TRAF7: variants seen among roughly 807,000 people sequenced by gnomAD.
TRAF7 encodes TNF receptor associated factor 7.
In TRAF7, 45 loss-of-function variants were observed where a neutral mutation model predicts 89.3. The observed-to-expected ratio is 0.50, with a 90% CI of 0.40 to 0.65. The LOEUF is 0.65. Among genes scored for constraint, TRAF7 ranks in the 30% least tolerant of loss-of-function variants. The pLI is 0.00. For missense variants in TRAF7, 677 were observed against 918.1 expected (o/e 0.74, Z 3.39); for synonymous variants, 406 against 369.2 (o/e 1.10, Z -1.14).
At position 2,168,441 on chromosome 16, in the gene TRAF7, A is replaced by G. The variant is rs1421492283; in HGVS notation, c.231+273A>G. 5 of 416,020 alleles carry G rather than the reference A, an allele frequency of 1.2e-5. No individual in the cohort carries two copies. In the East Asian group the frequency reaches 2.3e-4, roughly 19 times the overall value. The allele number at this position is 416,020 out of a possible 1,614,324, so 25.8% of individuals were successfully genotyped here. ...GCCAGGATGAGGCATATTTGGCTCCATCTTAAGGGAGGTGGAAACCACAGA... is the reference window on the plus strand; with the variant it reads ...GCCAGGATGAGGCATATTTGGCTCCGTCTTAAGGGAGGTGGAAACCACAGA... On this transcript the variant is annotated intron_variant, in intron 4 of 20. Transcript: ENST00000326181. This position sits in a 1 kb window ranked among gnomAD's most constrained non-coding sequence, Gnocchi z 4.1.
chr16:2,167,831 G>A (rs2093092550), intron 3 of TRAF7, among the ~76,000 whole-genome samples: 1 of 152,088 alleles, frequency 6.6e-6, no homozygotes. Flanking sequence ...AGGGGCTACC[G>A]GGCTCAGCGC....
intron 1 of TRAF7, among the ~76,000 whole-genome samples, chr16:2,156,528 G>C (rs1272780713): frequency 1.3e-5 from 2 of 152,110 alleles, no homozygotes; most frequent in African/African-American, 4.8e-5. Flanking sequence ...AGTACTGGCC[G>C]GGGGTAGGGG....
At position 2,163,995 on chromosome 16, in the gene TRAF7, C is replaced by T. The variant is rs199615844; in HGVS notation, c.75C>T (p.Thr25=). The part of the protein sequence containing the change: ...GPSNLPTPDV[T]TGTRMETTFG... ...GCAATCTTCCCACCCCAGACGTCAC[C>T]ACAGGGGTAAGGGTGTGCCCCTCTG... Residue 25 remains threonine (T), a synonymous_variant, in exon 2 of 21, where the codon ACC becomes ACT. Transcript: ENST00000326181. This position sits in a 1 kb window ranked among gnomAD's most constrained non-coding sequence, Gnocchi z 4.3. The T allele has an allele frequency of 9.3e-6, 15 of 1,611,110 alleles. No homozygotes were observed. In the East Asian group the frequency reaches 2.9e-4, roughly 31 times the overall value.
intron 18 of TRAF7, 42 bp downstream of exon 18, chr16:2,175,995 C>T (rs772261922): frequency 2.4e-5 from 39 of 1,611,592 alleles, no homozygotes; most frequent in East Asian, 4.5e-5. Flanking sequence ...ACTGTGGCCC[C>T]GTCTCCCCCG....
intron 7 of TRAF7, 114 bp downstream of exon 7, chr16:2,171,719 C>CTGGGGTTGGGA: frequency 6.5e-7 from 1 of 1,529,684 alleles, no homozygotes; most frequent in South Asian, 1.2e-5. Flanking sequence ...TTGGCCTCTG[C>CTGGGGTTGGGA]TGGGGTTGGG....
intron 20 of TRAF7, 82 bp downstream of exon 20, chr16:2,176,466 A>G: frequency 6.2e-7 from 1 of 1,612,974 alleles, no homozygotes; most frequent in East Asian, 2.2e-5. Context: ...CAGCCCCAGC[A>G]CAAAGTGGTG....
chr16:2,174,192 G>C (rs2093125800), intron 13 of TRAF7, 59 bp from the exon 14 acceptor site: 2 of 1,597,968 alleles, frequency 1.3e-6, no homozygotes, highest in Admixed American at 3.4e-5. Flanking sequence ...TTCCTGTCAT[G>C]CTGCCCCTTG....
At chr16:2,166,872 C>T (rs1486344059) in intron 3 of TRAF7, among the ~76,000 whole-genome samples, 3 of 152,256 alleles carry the variant, frequency 2.0e-5, no homozygotes, top group Non-Finnish European at 4.4e-5. Flanking sequence ...TCCCGAGGTG[C>T]AGGGCCAGGG....
chr16:2,160,742 A>G (rs558965374), intron 1 of TRAF7, among the ~76,000 whole-genome samples: 9 of 152,222 alleles, frequency 5.9e-5, no homozygotes, highest in Non-Finnish European at 1.0e-4. Context: ...ACTGGAGGGC[A>G]GAGAGGCCAG....
intron 12 of TRAF7, 23 bp downstream of exon 12, chr16:2,173,859 T>TCCCCCCCCCCCCCCC: frequency 7.2e-6 from 9 of 1,246,248 alleles, no homozygotes; most frequent in Non-Finnish European, 9.9e-6. Flanking sequence ...CCGCCGTGGC[T>TCCCCCCCCCCCCCCC]CCCGCCCACC....
chr16:2,163,524 A>G lies in TRAF7; in HGVS notation c.-38-359A>G, dbSNP rs927286446. The G allele has an allele frequency of 2.2e-5, 6 of 269,958 alleles. No individual in the cohort carries two copies. The Admixed American group carries it at 2.5e-4, about 11-fold the overall frequency. The allele number at this position is 269,958 out of a possible 1,614,324, so 16.7% of individuals were successfully genotyped here. Reference sequence around the variant, plus strand: ...CCCACCAAGGCCCAGCCTTGGCCCCAGGGACATTCAGCCTGGAGGTGACTG... The same window carrying G: ...CCCACCAAGGCCCAGCCTTGGCCCCGGGGACATTCAGCCTGGAGGTGACTG... On this transcript the variant is annotated intron_variant, in intron 1 of 20. Coordinates refer to ENST00000326181, the MANE Select transcript of TRAF7 (RefSeq NM_032271.3). This position sits in a 1 kb window ranked among gnomAD's most constrained non-coding sequence, Gnocchi z 4.3.
intron 18 of TRAF7, 42 bp downstream of exon 18, chr16:2,175,995 C>A (rs772261922): frequency 5.3e-5 from 85 of 1,611,592 alleles, no homozygotes; most frequent in Non-Finnish European, 7.0e-5. Context: ...ACTGTGGCCC[C>A]GTCTCCCCCG....
chr16:2,167,945 C>T, intron 3 of TRAF7, 132 bp from the exon 4 acceptor site: 1 of 745,396 alleles, frequency 1.3e-6, no homozygotes, highest in Non-Finnish European at 2.2e-6. Flanking sequence ...TGCATGCTTT[C>T]CTGCCTGCCT....
chr16:2,160,937 C>T (rs943566111), intron 1 of TRAF7, among the ~76,000 whole-genome samples: 2 of 152,170 alleles, frequency 1.3e-5, no homozygotes, highest in East Asian at 3.9e-4. Context: ...CCCAAGGGGT[C>T]CTCTCCCTAC....
At position 2,158,096 on chromosome 16, in the gene TRAF7, C is replaced by T. The variant is rs901378409; in HGVS notation, c.-39+2238C>T. ...AGCCCAGTGCCTGTGGCCTTGACCA[C>T]GGTGTCACAGCATCTCCTGGATGGA... On this transcript the variant is annotated intron_variant, in intron 1 of 20. Transcript: ENST00000326181. The surrounding 1 kb of genome is among the most constrained non-coding windows in gnomAD (Gnocchi z 4.7). Among the ~76,000 whole-genome samples, 2 of 152,188 alleles carry T rather than the reference C, an allele frequency of 1.3e-5. No individual in the cohort carries two copies. Among genetic ancestry groups the T allele is most frequent in the Non-Finnish European group, 1.5e-5 (1 of 68,032 alleles).
chr16:2,174,129 G>A, intron 13 of TRAF7, 81 bp downstream of exon 13: 3 of 1,603,496 alleles, frequency 1.9e-6, no homozygotes, highest in African/African-American at 1.3e-5. Context: ...GCCTGCCTAT[G>A]GGTGGGACCT....
intron 17 of TRAF7, 42 bp downstream of exon 17, chr16:2,175,664 T>C (rs762803578): frequency 6.2e-7 from 1 of 1,601,572 alleles, no homozygotes; most frequent in East Asian, 2.2e-5. Context: ...CCTTGCCTCC[T>C]ACCAGCACTT....
In TRAF7 at chr16:2,161,807, C is replaced by G. The variant is rs187685059; in HGVS notation, c.-38-2076C>G. On this transcript the variant is annotated intron_variant, in intron 1 of 20. Transcript: ENST00000326181. This position sits in a 1 kb window ranked among gnomAD's most constrained non-coding sequence, Gnocchi z 5.2. ...AAGGCAAGCCCTGGCCAGCTCTCCC[C>G]GACCTTCCTGCCGGGAGCTGCTGGA... is the stretch of plus-strand genomic sequence containing the variant. 6.6e-6 allele frequency among the ~76,000 whole-genome samples: 1 copy of G among 152,204 alleles called. No individual in the cohort carries two copies. The highest frequency in any genetic ancestry group is 1.5e-5 in the Non-Finnish European group (1 of 68,040).
intron 8 of TRAF7, 21 bp downstream of exon 8, chr16:2,172,395 AC>A: frequency 3.1e-6 from 5 of 1,611,042 alleles, no homozygotes; most frequent in Non-Finnish European, 4.2e-6. Flanking sequence ...CTCCCTGGGC[AC>A]CTCTGCCTCC....
Sources: allele counts gnomAD v4.1 joint callset (sites outside exome capture counted in the v4.1 genomes callset), GRCh38; gene constraint gnomAD v4.1.1; non-coding constraint Gnocchi (gnomAD v3.1); transcripts MANE v1.5; gene names NCBI Gene and HGNC (gene_info 2026-07-23, HGNC 2026-07-21).